The following THADA variants were observed in gnomAD, a reference collection of about 807,000 sequenced individuals.
THADA encodes the protein THADA armadillo repeat containing.
Under a neutral mutation model 219.8 loss-of-function variants are expected in THADA, and 213 were observed. The observed-to-expected ratio is 0.97, with a 90% CI of 0.87 to 1.09. The LOEUF (loss-of-function observed/expected upper bound fraction) is 1.09, where lower values mean the gene tolerates loss of function less well. THADA is among the 50% of genes least tolerant of loss of function. The pLI is 0.00. For missense variants in THADA, 2,956 were observed against 2,311.3 expected, an observed-to-expected ratio of 1.28 and a Z score of -5.72; for synonymous variants, 1,018 against 828.9, an observed-to-expected ratio of 1.23 and a Z score of -3.92.
chr2:43,359,054 G>C (rs1050477833), intron 29 of THADA, among the ~76,000 whole-genome samples: 4 of 152,118 alleles, frequency 2.6e-5, no homozygotes, highest in African/African-American at 9.7e-5. Flanking sequence ...AAAATCTCCA[G>C]CAGTGAGGTC....
intron 36 of THADA, among the ~76,000 whole-genome samples, chr2:43,242,659 T>A (rs1216607700): frequency 6.6e-6 from 1 of 152,170 alleles, no homozygotes; most frequent in African/African-American, 2.4e-5. Context: ...TGGTTAATTT[T>A]TGTATTTTTG....
At chr2:43,422,139 C>T (rs180824792) in intron 28 of THADA, among the ~76,000 whole-genome samples, 1 of 152,162 alleles carries the variant, frequency 6.6e-6, no homozygotes, top group Non-Finnish European at 1.5e-5. Context: ...TGCTGATGGG[C>T]AAACTCAGTA....
At chr2:43,235,324 G>T (rs545998870) in intron 36 of THADA, among the ~76,000 whole-genome samples, 29 of 150,184 alleles carry the variant, frequency 1.9e-4, no homozygotes, top group Non-Finnish European at 3.4e-4. Flanking sequence ...ACAGAGTTTC[G>T]CTCTTGTTGC....
At chr2:43,582,624 C>T (rs1313907485) in intron 7 of THADA, among the ~76,000 whole-genome samples, 5 of 137,896 alleles carry the variant, frequency 3.6e-5, no homozygotes, top group Admixed American at 1.5e-4. Context: ...GGCTGGAGTG[C>T]AGTGGTGCAA....
At chr2:43,552,656 A>T (rs1294584695) in intron 17 of THADA, among the ~76,000 whole-genome samples, 2 of 151,936 alleles carry the variant, frequency 1.3e-5, no homozygotes, top group Non-Finnish European at 2.9e-5. Flanking sequence ...CTTTCAAATT[A>T]AAAAAGAAAA....
chr2:43,574,545 C>A lies in THADA; in HGVS notation c.1520G>T (p.Ser507Ile). ...CTCAGCAGTCTGGGATTTCAAATGA[C>A]TCTTATGATTTCTAAACATGGTTTC... The part of the protein sequence containing the change: ...LLETMFRNHK[S>I]HLKSQTAESS... Residue 507 changes from serine (S) to isoleucine (I), a missense_variant, in exon 11 of 38, where the codon AGT (serine) becomes ATT (isoleucine). Transcript: ENST00000405975. 1 of 1,614,006 alleles carries A rather than the reference C, an allele frequency of 6.2e-7. No individual in the cohort carries two copies.
At chr2:43,548,839 G>A (rs1433818715) in intron 20 of THADA, among the ~76,000 whole-genome samples, 2 of 152,328 alleles carry the variant, frequency 1.3e-5, no homozygotes, top group East Asian at 1.9e-4. Flanking sequence ...GCAATGCCTC[G>A]CCCTGCTTCG....
chr2:43,467,839 T>C (rs1361301706), intron 26 of THADA, among the ~76,000 whole-genome samples: 2 of 152,168 alleles, frequency 1.3e-5, no homozygotes, highest in African/African-American at 4.8e-5. Context: ...ACTAATGGAA[T>C]CTTATATAAT....
chr2:43,326,747 A>C (rs1401385335), intron 30 of THADA, among the ~76,000 whole-genome samples: 2 of 152,194 alleles, frequency 1.3e-5, no homozygotes, highest in Non-Finnish European at 2.9e-5. Flanking sequence ...GTGGGATCCC[A>C]TAAGCTCAAG....
At chr2:43,415,606 G>A (rs1224193139) in intron 28 of THADA, among the ~76,000 whole-genome samples, 1 of 152,162 alleles carries the variant, frequency 6.6e-6, no homozygotes, top group African/African-American at 2.4e-5. Flanking sequence ...TTTATCCAAG[G>A]TTGGGCCAGG....
At chr2:43,323,134 C>A (rs1659442239) in intron 30 of THADA, among the ~76,000 whole-genome samples, 1 of 151,864 alleles carries the variant, frequency 6.6e-6, no homozygotes, top group Non-Finnish European at 1.5e-5. Context: ...ATTTTCTTTT[C>A]TTTCTTTTTT....
At chr2:43,566,409 G>T (rs1204015972) in intron 15 of THADA, 1 of 694,794 alleles carries the variant, frequency 1.4e-6, no homozygotes, top group East Asian at 2.7e-5. Context: ...TCTTAAAACA[G>T]CAACAAACAA....
intron 29 of THADA, among the ~76,000 whole-genome samples, chr2:43,390,141 G>A (rs1558682924): frequency 6.6e-6 from 1 of 152,196 alleles, no homozygotes; most frequent in Non-Finnish European, 1.5e-5. Flanking sequence ...TAATATGATG[G>A]ATACTTTGCT....
At chr2:43,515,351 T>A (rs1691564549) in intron 22 of THADA, among the ~76,000 whole-genome samples, 1 of 63,404 alleles carries the variant, frequency 1.6e-5, no homozygotes, top group Non-Finnish European at 2.7e-5. Context: ...ATATAATATT[T>A]TATATATAAT....
Position 43,508,093 on chromosome 2 carries a change from T to C in THADA, c.3507+555A>G, listed in dbSNP as rs570694028. On this transcript the variant is annotated intron_variant, in intron 23 of 37. Transcript: ENST00000405975. The stretch of plus-strand genomic sequence containing the variant: ...CCTTTGGTAAGTCACTTAACGTACC[T>C]AAACCCCAGTCTCTTCATCTAGAAT... Among the ~76,000 whole-genome samples the C allele has an allele frequency of 1.0e-3, 153 of 152,212 alleles. 1 individual carries two copies. Among genetic ancestry groups the C allele is most frequent in the African/African-American group, 3.6e-3 (150 of 41,524 alleles).
intron 28 of THADA, among the ~76,000 whole-genome samples, chr2:43,427,143 T>C (rs1678546075): frequency 6.6e-6 from 1 of 152,184 alleles, no homozygotes; most frequent in Non-Finnish European, 1.5e-5. Context: ...TCATGCCACA[T>C]GGCATTACCA....
At chr2:43,362,490 T>C (rs1386165848) in intron 29 of THADA, among the ~76,000 whole-genome samples, 1 of 152,176 alleles carries the variant, frequency 6.6e-6, no homozygotes, top group Non-Finnish European at 1.5e-5. Flanking sequence ...AAAGGTATGG[T>C]AAAAATATGC....
At chr2:43,584,624 A>G (rs1456144762) in intron 7 of THADA, among the ~76,000 whole-genome samples, 4 of 152,264 alleles carry the variant, frequency 2.6e-5, no homozygotes, top group African/African-American at 9.6e-5. Context: ...ACCAATATGC[A>G]ACAAGACAAT....
intron 29 of THADA, among the ~76,000 whole-genome samples, chr2:43,387,131 AACAG>A (rs1672787521): frequency 6.6e-6 from 1 of 152,202 alleles, no homozygotes; most frequent in Non-Finnish European, 1.5e-5. Flanking sequence ...GGATCAATGA[AACAG>A]ACAGCAACTG....
Sources: gnomAD v4.1 joint callset for allele counts (sites outside exome capture counted in the v4.1 genomes callset) on GRCh38, gnomAD v4.1.1 for gene constraint, MANE v1.5 for transcripts, NCBI Gene and HGNC (gene_info 2026-07-23, HGNC 2026-07-21) for gene names.